HTT: variants seen among roughly 807,000 people sequenced by gnomAD.
HTT encodes huntington disease protein.
Under a neutral mutation model 362.3 loss-of-function variants are expected in HTT, and 104 were observed. That is an observed-to-expected ratio of 0.29 (90% CI 0.24 to 0.34). The LOEUF (loss-of-function observed/expected upper bound fraction) is 0.34. Among genes scored for constraint, HTT ranks in the 10% least tolerant of loss-of-function variants. The probability of loss-of-function intolerance (pLI) is 1.00; values close to 1 mark genes in which losing one functional copy is unlikely to be tolerated. For missense variants in HTT, 3,301 were observed against 3,928.6 expected, an observed-to-expected ratio of 0.84 and a Z score of 4.27; for synonymous variants, 1,577 against 1,548.7, an observed-to-expected ratio of 1.02 and a Z score of -0.43.
intron 40 of HTT, among the ~76,000 whole-genome samples, chr4:3,191,660 T>C (rs1480256296): frequency 2.6e-5 from 4 of 152,172 alleles, no homozygotes; most frequent in African/African-American, 9.7e-5. Context: ...AATCTTCACC[T>C]AGCATTGTTG....
chr4:3,128,389 G>A (rs1162059154), intron 12 of HTT: 1 of 152,136 alleles, frequency 6.6e-6, no homozygotes, highest in Non-Finnish European at 1.5e-5. Flanking sequence ...AAACAACTTA[G>A]TGTCTTTTGT....
rs565178386 is a variant in HTT at position 3,178,679 on chromosome 4, A to G, written c.4612+233A>G. Among the ~76,000 whole-genome samples, 4 of 152,342 alleles carry G rather than the reference A, an allele frequency of 2.6e-5. No individual in the cohort carries two copies. In the South Asian group the frequency reaches 6.2e-4, roughly 24 times the overall value. On this transcript the variant is annotated intron_variant, in intron 35 of 66. Coordinates refer to ENST00000355072, the MANE Select transcript of HTT (RefSeq NM_001388492.1). ...CAGGGAAAAAAATTCAAGAAACAGT[A>G]AGATAACCTAAGGTACAGATAGATT...
At chr4:3,178,516 C>T in intron 35 of HTT, 70 bp downstream of exon 35, 3 of 1,420,758 alleles carry the variant, frequency 2.1e-6, no homozygotes, top group Non-Finnish European at 2.9e-6. Context: ...TTTTCATATA[C>T]CCACTTTGAA....
At chr4:3,083,656 A>G (rs113748015) in intron 1 of HTT, among the ~76,000 whole-genome samples, 3,099 of 152,210 alleles carry the variant, frequency 0.02, 56 homozygotes, top group Middle Eastern at 0.034. Flanking sequence ...GTGAGGATTT[A>G]GAAAAACTAG....
At chr4:3,172,294 T>G (rs549159963) in intron 29 of HTT, 26 bp from the exon 30 acceptor site, 3 of 1,363,958 alleles carry the variant, frequency 2.2e-6, no homozygotes, top group South Asian at 2.3e-5. Context: ...TCTGAGTCGC[T>G]TAATGTCTCA....
In HTT at chr4:3,075,006, C is replaced by T. The variant is rs751533042; in HGVS notation, c.181C>T (p.Leu61=). 20 of 1,405,326 alleles carry T rather than the reference C, an allele frequency of 1.4e-5. 1 individual carries two copies. In the South Asian group the frequency reaches 2.4e-4, roughly 17 times the overall value. 87.1% of individuals were successfully genotyped at this position (1,405,326 alleles called of 1,614,324 possible). A position where few individuals can be genotyped will look rare whatever the true frequency, so the allele number is the denominator to read the frequency against. ...LPQPPPQAQP[L]LPQPQPPPPP... ...TCAGCCGCCGCCGCAGGCACAGCCG[C>T]TGCTGCCTCAGCCGCAGCCGCCCCC... is the stretch of plus-strand genomic sequence containing the variant. Residue 61 remains leucine (L), a synonymous_variant, in exon 1 of 67, where the codon CTG becomes TTG. Coordinates refer to ENST00000355072, the MANE Select transcript of HTT (RefSeq NM_001388492.1).
At chr4:3,196,703 A>G (rs1454901742) in intron 40 of HTT, among the ~76,000 whole-genome samples, 1 of 151,374 alleles carries the variant, frequency 6.6e-6, no homozygotes, top group African/African-American at 2.4e-5. Flanking sequence ...GTGCCACTGT[A>G]CTCCAGTCTG....
Position 3,218,798 on chromosome 4 carries a change from T to C in HTT, c.7242+846T>C, listed in dbSNP as rs1489509074. On this transcript the variant is annotated intron_variant, in intron 52 of 66. Coordinates refer to ENST00000355072, the MANE Select transcript of HTT (RefSeq NM_001388492.1). This position sits in a 1 kb window ranked among gnomAD's most constrained non-coding sequence, Gnocchi z 4.4. Reference sequence around the variant, plus strand: ...AAATAAGATGATGGGGCCTGTTCCTTAGGGCCTGCAGCATCCTCAGGCAGG... The same window carrying C: ...AAATAAGATGATGGGGCCTGTTCCTCAGGGCCTGCAGCATCCTCAGGCAGG... Among the ~76,000 whole-genome samples, 1 of 152,158 alleles carries C rather than the reference T, an allele frequency of 6.6e-6. No individual in the cohort carries two copies. Among genetic ancestry groups the C allele is most frequent in the Non-Finnish European group, 1.5e-5 (1 of 68,026 alleles).
chr4:3,137,780 T>TGCATTTGG (rs1560564568), intron 21 of HTT, among the ~76,000 whole-genome samples: 1 of 152,272 alleles, frequency 6.6e-6, no homozygotes, highest in Admixed American at 6.5e-5. Context: ...TGGCTTCTTT[T>TGCATTTGG]ACTTAATTGT....
rs1720063831 is a variant in HTT, at chr4:3,209,827, G to C, written c.6292G>C (p.Asp2098His). 6.2e-7 allele frequency: 1 copy of C among 1,613,706 alleles called. No homozygotes were observed. The highest frequency in any genetic ancestry group is 1.7e-5 in the Admixed American group (1 of 60,016). Residue 2098 changes from aspartate to histidine, a missense_variant and splice_region_variant, in exon 47 of 67, where the codon GAC becomes CAC. This residue lies in a region of HTT where 2,316 missense variants were observed against 2,658.5 expected (regional missense o/e 0.87). Coordinates refer to ENST00000355072, the MANE Select transcript of HTT (RefSeq NM_001388492.1). Reference protein sequence around the residue: ...VSLETVSPDKDWYVHLVKSQC... With the variant: ...VSLETVSPDKHWYVHLVKSQC... ...CCCTTATCCATTTTTTTCTTCCCAG[G>C]ACTGGTACGTTCATCTTGTCAAATC...
At chr4:3,154,145 T>G (rs1717032037) in intron 26 of HTT, 148 bp from the exon 27 acceptor site, 4 of 620,490 alleles carry the variant, frequency 6.4e-6, no homozygotes, top group Non-Finnish European at 5.6e-6. Context: ...GTCTGAACTG[T>G]ACATATCAGG....
At chr4:3,207,045 A>G in intron 44 of HTT, 62 bp downstream of exon 44, 1 of 1,488,390 alleles carries the variant, frequency 6.7e-7, no homozygotes, top group Non-Finnish European at 9.1e-7. Context: ...CAAGCAAAAC[A>G]GGTGGCTGGC....
At chr4:3,131,603 T>C in intron 15 of HTT, 35 bp from the exon 16 acceptor site, 1 of 1,607,572 alleles carries the variant, frequency 6.2e-7, no homozygotes, top group Non-Finnish European at 8.5e-7. Context: ...ATCTGTTGTT[T>C]GAGGCTGAAG....
intron 9 of HTT, chr4:3,121,679 G>T: frequency 9.7e-6 from 2 of 206,330 alleles, no homozygotes; most frequent in East Asian, 1.0e-4. Context: ...CTGGCCAAGT[G>T]AGACCCTGTC....
intron 12 of HTT, chr4:3,128,623 T>A (rs1305874388): frequency 6.6e-6 from 1 of 152,178 alleles, no homozygotes; most frequent in East Asian, 1.9e-4. Flanking sequence ...TTACAACATT[T>A]CCCATTTGAT....
chr4:3,127,053 A>C (rs559866470), intron 11 of HTT, among the ~76,000 whole-genome samples: 1 of 152,338 alleles, frequency 6.6e-6, no homozygotes, highest in Admixed American at 6.5e-5. Flanking sequence ...ACCTTCTGAT[A>C]AGCCTTATTT....
chr4:3,182,230 G>A (rs1380722133), intron 36 of HTT, 124 bp from the exon 37 acceptor site: 1 of 645,550 alleles, frequency 1.5e-6, no homozygotes, highest in East Asian at 2.6e-5. Flanking sequence ...TGTCCTCGCT[G>A]GGATCACATC....
At chr4:3,195,102 G>A (rs539973895) in intron 40 of HTT, among the ~76,000 whole-genome samples, 1 of 152,254 alleles carries the variant, frequency 6.6e-6, no homozygotes, top group Admixed American at 6.5e-5. Flanking sequence ...ATAGTGGTGA[G>A]TGTAGCCGCT....
chr4:3,186,451 A>G, intron 37 of HTT, 146 bp from the exon 38 acceptor site: 1 of 793,754 alleles, frequency 1.3e-6, no homozygotes, highest in South Asian at 1.8e-5. Context: ...TGCTTGGTTC[A>G]CCACTGAACT....
Sources: allele counts gnomAD v4.1 joint callset (sites outside exome capture counted in the v4.1 genomes callset), GRCh38; gene constraint gnomAD v4.1.1; regional missense constraint gnomAD v4.1.1; non-coding constraint Gnocchi (gnomAD v3.1); transcripts MANE v1.5; gene names NCBI Gene and HGNC (gene_info 2026-07-23, HGNC 2026-07-21).